Variants in TMEM163 observed in about 807,000 individuals in gnomAD.
TMEM163 encodes the protein transmembrane protein 163.
In TMEM163, 17 loss-of-function variants were observed where a neutral mutation model predicts 29.3. The ratio of observed to expected loss-of-function variants is 0.58; its 90% CI spans 0.40 to 0.87. The LOEUF is 0.87. Ranked by LOEUF, TMEM163 falls within the 40% of genes least tolerant of loss-of-function variation. The pLI is 0.00. For synonymous variants in TMEM163, 157 were observed against 160.6 expected, an observed-to-expected ratio of 0.98 and a Z score of 0.17; for missense variants, 303 against 381.5, an observed-to-expected ratio of 0.79 and a Z score of 1.71.
intron 2 of TMEM163, among the ~76,000 whole-genome samples, chr2:134,606,632 G>A (rs530535061): frequency 3.3e-5 from 5 of 152,234 alleles, no homozygotes; most frequent in Admixed American, 1.3e-4. Flanking sequence ...CTGTGTCATC[G>A]CGCCCCAGCA....
At chr2:134,467,775 G>A (rs1686703165) in intron 5 of TMEM163, 1 of 152,260 alleles carries the variant, frequency 6.6e-6, no homozygotes, top group Non-Finnish European at 1.5e-5. Flanking sequence ...TCTCATGGTA[G>A]AGATTAATTT....
At chr2:134,559,585 G>A (rs762480025) in intron 2 of TMEM163, among the ~76,000 whole-genome samples, 1 of 152,056 alleles carries the variant, frequency 6.6e-6, no homozygotes, top group Non-Finnish European at 1.5e-5. Context: ...TGTTTGTTAG[G>A]AAAGCAAGTG....
intron 2 of TMEM163, among the ~76,000 whole-genome samples, chr2:134,569,247 A>C (rs1238401173): frequency 2.0e-5 from 3 of 152,176 alleles, no homozygotes; most frequent in Non-Finnish European, 4.4e-5. Context: ...AATAACTCAT[A>C]ACCAGGTATC....
At chr2:134,717,046 T>C (rs978171399) in intron 1 of TMEM163, among the ~76,000 whole-genome samples, 2 of 152,136 alleles carry the variant, frequency 1.3e-5, no homozygotes, top group African/African-American at 4.8e-5. Context: ...CAGAGAAAAA[T>C]AACCTTAAGA....
At chr2:134,548,128 G>C (rs1045753901) in intron 4 of TMEM163, among the ~76,000 whole-genome samples, 21 of 151,936 alleles carry the variant, frequency 1.4e-4, no homozygotes, top group Admixed American at 1.1e-3. Context: ...AAAGCAGAGG[G>C]AAAAACTTTC....
At chr2:134,656,603 T>C (rs1252540740) in intron 2 of TMEM163, among the ~76,000 whole-genome samples, 1 of 152,246 alleles carries the variant, frequency 6.6e-6, no homozygotes, top group East Asian at 1.9e-4. Flanking sequence ...CTTGACTGAC[T>C]GCTCTGGCAA....
intron 2 of TMEM163, among the ~76,000 whole-genome samples, chr2:134,574,358 G>A (rs915430099): frequency 3.9e-5 from 6 of 152,108 alleles, no homozygotes; most frequent in East Asian, 1.9e-4. Context: ...CCAGTAGTTC[G>A]AGACCAGCCT....
At chr2:134,684,281 A>G (rs759652878) in intron 2 of TMEM163, among the ~76,000 whole-genome samples, 14 of 152,250 alleles carry the variant, frequency 9.2e-5, no homozygotes, top group Non-Finnish European at 1.3e-4. Context: ...ATCAAGCATA[A>G]ACCTTACCAT....
In TMEM163 at chr2:134,702,788, G is replaced by C. The variant is rs550802070; in HGVS notation, c.322+10412C>G. ...TGGAAATGAAAAAGCTCAATAGAAA[G>C]GTAGGAATATAAAGGTGATTAAATT... On this transcript the variant is annotated intron_variant, in intron 2 of 7. Transcript: ENST00000281924. 2.6e-5 allele frequency among the ~76,000 whole-genome samples: 4 copies of C among 152,072 alleles called. No homozygotes were observed. In the South Asian group the frequency reaches 8.3e-4, roughly 32 times the overall value.
chr2:134,698,252 C>A (rs1684622703), intron 2 of TMEM163, among the ~76,000 whole-genome samples: 1 of 152,190 alleles, frequency 6.6e-6, no homozygotes, highest in African/African-American at 2.4e-5. Flanking sequence ...TGCAAAATCA[C>A]CTCTGATCAT....
intron 2 of TMEM163, among the ~76,000 whole-genome samples, chr2:134,665,701 C>A (rs1683859008): frequency 6.6e-6 from 1 of 152,190 alleles, no homozygotes; most frequent in Non-Finnish European, 1.5e-5. Flanking sequence ...AGCAGAGGGA[C>A]TACAGAGCTG....
At chr2:134,662,682 T>C (rs1349905582) in intron 2 of TMEM163, among the ~76,000 whole-genome samples, 1 of 152,212 alleles carries the variant, frequency 6.6e-6, no homozygotes, top group Non-Finnish European at 1.5e-5. Context: ...ATGCAATTGT[T>C]ATCATCCCTT....
intron 4 of TMEM163, among the ~76,000 whole-genome samples, chr2:134,512,330 C>T (rs909706476): frequency 4.6e-5 from 7 of 152,110 alleles, no homozygotes; most frequent in African/African-American, 7.2e-5. Context: ...TGGTGGCACA[C>T]ATCTGTAGTC....
At chr2:134,639,198 G>A (rs973340871) in intron 2 of TMEM163, among the ~76,000 whole-genome samples, 2 of 152,214 alleles carry the variant, frequency 1.3e-5, no homozygotes, top group Non-Finnish European at 2.9e-5. Flanking sequence ...GAATCAACAC[G>A]GGAGTGAAGG....
intron 2 of TMEM163, among the ~76,000 whole-genome samples, chr2:134,682,744 T>A (rs1211705971): frequency 6.6e-6 from 1 of 152,172 alleles, no homozygotes; most frequent in Non-Finnish European, 1.5e-5. Context: ...AGTTTCTCAC[T>A]CTTACCAAAA....
chr2:134,698,599 A>G (rs1684629536), intron 2 of TMEM163, among the ~76,000 whole-genome samples: 1 of 151,460 alleles, frequency 6.6e-6, no homozygotes. Flanking sequence ...TCTTCTATTT[A>G]TCTTGCATTT....
At chr2:134,576,386 A>T (rs1681556311) in intron 2 of TMEM163, among the ~76,000 whole-genome samples, 1 of 152,172 alleles carries the variant, frequency 6.6e-6, no homozygotes, top group South Asian at 2.1e-4. Flanking sequence ...CACCTGGGGG[A>T]AAACTGTATC....
intron 2 of TMEM163, among the ~76,000 whole-genome samples, chr2:134,694,527 C>T (rs979457093): frequency 6.6e-6 from 1 of 152,174 alleles, no homozygotes; most frequent in African/African-American, 2.4e-5. Context: ...TCTGTCCTTG[C>T]TTTGGATAAA....
At chr2:134,599,395 A>C (rs1682172591) in intron 2 of TMEM163, among the ~76,000 whole-genome samples, 2 of 152,174 alleles carry the variant, frequency 1.3e-5, no homozygotes, top group Admixed American at 1.3e-4. Context: ...GTAGGTGATT[A>C]GGTCATGAGG....
Sources: gnomAD v4.1 joint callset for allele counts (sites outside exome capture counted in the v4.1 genomes callset) on GRCh38, gnomAD v4.1.1 for gene constraint, MANE v1.5 for transcripts, NCBI Gene and HGNC (gene_info 2026-07-23, HGNC 2026-07-21) for gene names.